Variants in FAM13A observed in about 807,000 individuals in gnomAD.
The protein encoded by FAM13A is family with sequence similarity 13 member A.
A neutral mutation model predicts 129.6 loss-of-function variants in FAM13A; 76 were observed. The ratio of observed to expected loss-of-function variants is 0.59; its 90% CI spans 0.49 to 0.71. The LOEUF is 0.71. FAM13A is among the 30% of genes least tolerant of loss of function. The pLI is 0.00. For synonymous variants in FAM13A, 443 were observed against 449.9 expected (o/e 0.98, Z 0.20); for missense variants, 1,108 against 1,249.3 (o/e 0.89, Z 1.70).
chr4:88,814,118 T>C (rs1296436424), intron 7 of FAM13A, among the ~76,000 whole-genome samples: 2 of 152,158 alleles, frequency 1.3e-5, no homozygotes, highest in Non-Finnish European at 2.9e-5. Context: ...AAAGACATCA[T>C]GGAGGAAGGA....
chr4:88,920,753 G>A (rs569295345), intron 5 of FAM13A, among the ~76,000 whole-genome samples: 3 of 152,264 alleles, frequency 2.0e-5, no homozygotes, highest in South Asian at 2.1e-4. Flanking sequence ...AAACTACTCC[G>A]AGCTACAGGA....
chr4:88,945,288 G>C (rs1364639315), intron 4 of FAM13A, among the ~76,000 whole-genome samples: 2 of 152,098 alleles, frequency 1.3e-5, no homozygotes, highest in Non-Finnish European at 2.9e-5. Flanking sequence ...AAATTTCAAA[G>C]GACAAGTCTC....
chr4:89,006,217 T>C (rs112914965), intron 3 of FAM13A, among the ~76,000 whole-genome samples: 15,981 of 127,084 alleles, frequency 0.13, 888 homozygotes, highest in Middle Eastern at 0.18. Context: ...CATATAGTCA[T>C]AGGTGTGCAG....
chr4:88,788,862 T>C (rs2149666106), intron 9 of FAM13A, among the ~76,000 whole-genome samples: 1 of 152,272 alleles, frequency 6.6e-6, no homozygotes, highest in South Asian at 2.1e-4. Context: ...TTAACTAATT[T>C]CAGATTTTTC....
intron 1 of FAM13A, among the ~76,000 whole-genome samples, chr4:89,044,019 G>C (rs1242286124): frequency 6.8e-6 from 1 of 146,236 alleles, no homozygotes; most frequent in Non-Finnish European, 1.5e-5. Context: ...GACTGCTTGA[G>C]TCCAGGAGGT....
chr4:88,791,007 T>C (rs1377291), intron 8 of FAM13A, among the ~76,000 whole-genome samples: 145,559 of 152,178 alleles, frequency 0.96, 69,680 homozygotes, highest in East Asian at 1. Flanking sequence ...TTCTATCTTT[T>C]CCCAGCCCAA....
chr4:88,772,654 T>G (rs1720903892), intron 11 of FAM13A, among the ~76,000 whole-genome samples: 2 of 152,214 alleles, frequency 1.3e-5, no homozygotes, highest in African/African-American at 4.8e-5. Flanking sequence ...ATGCATTTAG[T>G]ACACTTAACC....
intron 5 of FAM13A, among the ~76,000 whole-genome samples, chr4:88,907,276 T>C (rs957190663): frequency 3.9e-5 from 6 of 152,118 alleles, no homozygotes; most frequent in African/African-American, 1.4e-4. Flanking sequence ...GCTGAGAAAG[T>C]CAGTCAGATT....
intron 4 of FAM13A, among the ~76,000 whole-genome samples, chr4:88,969,549 A>G (rs1007773895): frequency 2.0e-5 from 3 of 152,216 alleles, no homozygotes; most frequent in African/African-American, 7.2e-5. Context: ...TGAATTTCCT[A>G]TCATTTTCCA....
At chr4:88,879,910 C>A (rs1030614564) in intron 6 of FAM13A, among the ~76,000 whole-genome samples, 1 of 152,080 alleles carries the variant, frequency 6.6e-6, no homozygotes, top group East Asian at 1.9e-4. Context: ...TGAAGTATAA[C>A]CAAGACTATT....
Position 88,798,991 on chromosome 4 carries a change from T to C in FAM13A, c.1049+6020A>G, listed in dbSNP as rs193072651. Among the ~76,000 whole-genome samples the C allele has an allele frequency of 1.1e-4, 17 of 152,360 alleles. No individual in the cohort carries two copies. In the East Asian group the frequency reaches 2.7e-3, roughly 24 times the overall value. ...TGAAGAAAAGCATTTAAAATGTATA[T>C]AATTTATCTTTCTCAGTATAGCTCT... On this transcript the variant is annotated intron_variant, in intron 8 of 23. Transcript: ENST00000264344.
At chr4:88,932,349 T>C (rs1753158380) in intron 5 of FAM13A, among the ~76,000 whole-genome samples, 1 of 152,212 alleles carries the variant, frequency 6.6e-6, no homozygotes, top group Non-Finnish European at 1.5e-5. Context: ...GATACATATA[T>C]AGAAGAATTT....
chr4:89,006,983 G>A (rs903234963), intron 3 of FAM13A, among the ~76,000 whole-genome samples: 2 of 152,116 alleles, frequency 1.3e-5, no homozygotes, highest in African/African-American at 4.8e-5. Flanking sequence ...CACAGGATAG[G>A]GGGGCAGGAT....
intron 19 of FAM13A, among the ~76,000 whole-genome samples, chr4:88,740,887 G>A (rs957556016): frequency 9.2e-5 from 14 of 152,156 alleles, no homozygotes; most frequent in African/African-American, 3.4e-4. Context: ...TATACCATGA[G>A]GAGTTTTATA....
chr4:88,750,631 A>G lies in FAM13A; in HGVS notation c.1733T>C (p.Ile578Thr), dbSNP rs370350543. Reference protein sequence around the residue: ...LCDEKNWEEPIPAFSSWQREN... With the variant: ...LCDEKNWEEPTPAFSSWQREN... The stretch of plus-strand genomic sequence containing the variant: ...CCGCTGCCAGGAGGAGAAAGCAGGG[A>G]TAGGCTCTGGAAGATAAGGGCAGTA... Residue 578 changes from isoleucine to threonine, a missense_variant, in exon 15 of 24, where the codon ATC (isoleucine) becomes ACC (threonine). By Grantham distance (89) the Ile-to-Thr change is moderately conservative. Around this residue, in one of 3 missense-constraint regions of FAM13A, gnomAD observed 529 missense variants for 621.2 expected, o/e 0.85. Transcript: ENST00000264344. The G allele has an allele frequency of 1.9e-5, 30 of 1,607,080 alleles. No homozygotes were observed. The highest frequency in any genetic ancestry group is 2.5e-5 in the Non-Finnish European group (29 of 1,179,316).
intron 5 of FAM13A, among the ~76,000 whole-genome samples, chr4:88,922,121 T>A (rs1351139214): frequency 6.6e-6 from 1 of 151,864 alleles, no homozygotes; most frequent in Non-Finnish European, 1.5e-5. Flanking sequence ...AACACCCCAC[T>A]GTCAACATTA....
chr4:88,767,662 C>T (rs1745947225), intron 12 of FAM13A, 67 bp from the exon 13 acceptor site: 3 of 1,230,420 alleles, frequency 2.4e-6, no homozygotes, highest in East Asian at 4.9e-5. Context: ...TTTTCATCCA[C>T]TGATATTATG....
At chr4:89,038,054 T>C (rs999493754) in intron 1 of FAM13A, among the ~76,000 whole-genome samples, 2 of 152,170 alleles carry the variant, frequency 1.3e-5, no homozygotes, top group Non-Finnish European at 2.9e-5. Flanking sequence ...TAACCCCAGA[T>C]CCTTAAGGCT....
At chr4:88,987,772 G>A (rs1762422675) in intron 4 of FAM13A, among the ~76,000 whole-genome samples, 2 of 141,662 alleles carry the variant, frequency 1.4e-5, no homozygotes, top group South Asian at 4.6e-4. Flanking sequence ...AACCCGGGAG[G>A]CGGAGCTTGC....
Sources: allele counts gnomAD v4.1 joint callset (sites outside exome capture counted in the v4.1 genomes callset), GRCh38; gene constraint gnomAD v4.1.1; regional missense constraint gnomAD v4.1.1; transcripts MANE v1.5; gene names NCBI Gene and HGNC (gene_info 2026-07-23, HGNC 2026-07-21).